CXCL13: variants seen among roughly 807,000 people sequenced by gnomAD.
CXCL13 encodes the protein C-X-C motif chemokine 13.
CXCL13 carries 7 observed loss-of-function variants against 12.2 expected under a neutral mutation model. That is an observed-to-expected ratio of 0.57 (90% CI 0.33 to 1.07). CXCL13 has a LOEUF of 1.07. Ranked by LOEUF, CXCL13 falls within the 50% of genes least tolerant of loss-of-function variation. CXCL13 has a pLI of 0.04. For synonymous variants in CXCL13, 47 were observed against 42.4 expected (o/e 1.11, Z -0.42); for missense variants, 113 against 127.4 (o/e 0.89, Z 0.55).
At chr4:77,570,505 A>G (rs1157730442) in intron 1 of CXCL13, among the ~76,000 whole-genome samples, 2 of 152,232 alleles carry the variant, frequency 1.3e-5, no homozygotes, top group East Asian at 1.9e-4. Flanking sequence ...GCATGCTGGC[A>G]GTCCTCAGAG....
chr4:77,534,410 A>G (rs992156946), intron 1 of CXCL13, among the ~76,000 whole-genome samples: 1 of 152,178 alleles, frequency 6.6e-6, no homozygotes. Flanking sequence ...CCCAGAAATA[A>G]AACGACCAAA....
rs186109562 is a variant in CXCL13 at position 77,590,565 on chromosome 4, T to A, written c.-42-15259T>A. 7.2e-5 allele frequency among the ~76,000 whole-genome samples: 11 copies of A among 152,366 alleles called. No homozygotes were observed. The East Asian group carries it at 2.1e-3, about 29-fold the overall frequency. On this transcript the variant is annotated intron_variant, in intron 1 of 4. Coordinates refer to the CXCL13 transcript ENST00000286758. ...TGGAAAAACGCTCAAGAACAGGTTT[T>A]CCATGGACATAAGTCACATGGCCAT...
intron 1 of CXCL13, among the ~76,000 whole-genome samples, chr4:77,518,501 T>C (rs1446008616): frequency 6.6e-6 from 1 of 152,210 alleles, no homozygotes; most frequent in Non-Finnish European, 1.5e-5. Context: ...TTTCTTTTTA[T>C]TCTTTTTTCT....
At chr4:77,585,762 C>T (rs1726441113) in intron 1 of CXCL13, among the ~76,000 whole-genome samples, 1 of 152,184 alleles carries the variant, frequency 6.6e-6, no homozygotes. Context: ...GCTTTGGGTA[C>T]TTCAAAATAT....
chr4:77,551,571 G>A (rs1157002172), intron 1 of CXCL13, among the ~76,000 whole-genome samples: 2 of 152,156 alleles, frequency 1.3e-5, no homozygotes, highest in Admixed American at 1.3e-4. Flanking sequence ...GGACAGTCTG[G>A]TGACTACATG....
intron 1 of CXCL13, among the ~76,000 whole-genome samples, chr4:77,553,608 C>T (rs1191128398): frequency 1.3e-5 from 2 of 152,192 alleles, no homozygotes; most frequent in East Asian, 3.9e-4. Context: ...ACTGGTGCTT[C>T]ACTCACTTTA....
At chr4:77,529,540 A>G (rs1433182080) in intron 1 of CXCL13, among the ~76,000 whole-genome samples, 1 of 152,196 alleles carries the variant, frequency 6.6e-6, no homozygotes, top group Non-Finnish European at 1.5e-5. Context: ...TCTTTGAAGC[A>G]ATTGTGAATG....
At chr4:77,560,432 G>T (rs1328372403) in intron 1 of CXCL13, among the ~76,000 whole-genome samples, 1 of 152,178 alleles carries the variant, frequency 6.6e-6, no homozygotes, top group Non-Finnish European at 1.5e-5. Flanking sequence ...ATCAAGCCCT[G>T]TTCCCTGCAG....
intron 1 of CXCL13, among the ~76,000 whole-genome samples, chr4:77,516,587 AT>A (rs1724425566): frequency 6.6e-6 from 1 of 152,060 alleles, no homozygotes; most frequent in Non-Finnish European, 1.5e-5. Flanking sequence ...TTTCTAGTTT[AT>A]TTGCATAGAG....
At chr4:77,535,339 C>T (rs905603053) in intron 1 of CXCL13, among the ~76,000 whole-genome samples, 3 of 152,152 alleles carry the variant, frequency 2.0e-5, no homozygotes, top group Non-Finnish European at 4.4e-5. Context: ...TATTCCTTCC[C>T]TTATAGGCGT....
intron 1 of CXCL13, among the ~76,000 whole-genome samples, chr4:77,597,852 A>C (rs58671846): frequency 0.036 from 5,421 of 152,270 alleles, 298 homozygotes; most frequent in African/African-American, 0.12. Flanking sequence ...ACCAGCACCT[A>C]AGTCAATGAA....
intron 1 of CXCL13, among the ~76,000 whole-genome samples, chr4:77,535,945 A>C (rs1033147586): frequency 6.6e-6 from 1 of 152,136 alleles, no homozygotes; most frequent in Non-Finnish European, 1.5e-5. Context: ...GATCATAATA[A>C]AATTATTATT....
rs564971655 is a variant in CXCL13, at chr4:77,537,088, A to T, written c.-43+25300A>T. Among the ~76,000 whole-genome samples, 15 of 152,332 alleles carry T rather than the reference A, an allele frequency of 9.8e-5. No homozygotes were observed. The South Asian group carries it at 2.7e-3, about 27-fold the overall frequency. On this transcript the variant is annotated intron_variant, in intron 1 of 4. Coordinates refer to the CXCL13 transcript ENST00000286758. ...CAATGACATTCAAGGAGAAAATAAA[A>T]GACATATTCAAATTGTGTTATGAAG...
intron 1 of CXCL13, among the ~76,000 whole-genome samples, chr4:77,552,517 C>T (rs1725557115): frequency 6.6e-6 from 1 of 152,216 alleles, no homozygotes; most frequent in African/African-American, 2.4e-5. Flanking sequence ...TCTGTTGCCT[C>T]AGGAAATGGG....
chr4:77,511,901 C>T (rs1262288135), intron 1 of CXCL13: 1 of 152,038 alleles, frequency 6.6e-6, no homozygotes, highest in African/African-American at 2.4e-5. Context: ...AATTTGTTTC[C>T]AAGTTATACT....
At chr4:77,531,998 C>CCAATT (rs1468403435) in intron 1 of CXCL13, among the ~76,000 whole-genome samples, 1 of 152,166 alleles carries the variant, frequency 6.6e-6, no homozygotes, top group Admixed American at 6.6e-5. Flanking sequence ...GACTCTTTAT[C>CCAATT]CAATTTGCCA....
At chr4:77,542,069 G>T (rs1339713866) in intron 1 of CXCL13, among the ~76,000 whole-genome samples, 1 of 152,054 alleles carries the variant, frequency 6.6e-6, no homozygotes, top group Non-Finnish European at 1.5e-5. Context: ...TGTATCCTGA[G>T]ATTTTACTGA....
intron 1 of CXCL13, among the ~76,000 whole-genome samples, chr4:77,553,904 C>T (rs1005685528): frequency 2.8e-4 from 42 of 151,982 alleles, no homozygotes; most frequent in African/African-American, 8.7e-4. Flanking sequence ...TAGTTAATAG[C>T]GTATTGTATT....
At chr4:77,553,766 C>T (rs534926128) in intron 1 of CXCL13, among the ~76,000 whole-genome samples, 81 of 152,078 alleles carry the variant, frequency 5.3e-4, no homozygotes, top group Non-Finnish European at 9.9e-4. Context: ...TCGCTGTTTC[C>T]GAGTGGATGA....
Sources: gnomAD v4.1 joint callset for allele counts (sites outside exome capture counted in the v4.1 genomes callset) on GRCh38, gnomAD v4.1.1 for gene constraint, MANE v1.5 for transcripts, NCBI Gene and HGNC (gene_info 2026-07-23, HGNC 2026-07-21) for gene names.